MAGI2: variants seen among roughly 807,000 people sequenced by gnomAD.
MAGI2 encodes the protein membrane-associated guanylate kinase, WW and PDZ domain-containing protein 2.
MAGI2 carries 35 observed loss-of-function variants against 133.3 expected under a neutral mutation model. The ratio of observed to expected loss-of-function variants is 0.26; its 90% CI spans 0.20 to 0.35. The LOEUF is 0.35. Ranked by LOEUF, MAGI2 falls within the 10% of genes least tolerant of loss-of-function variation. The pLI is 1.00. For missense variants in MAGI2, 1,636 were observed against 1,863.4 expected (o/e 0.88, Z 2.25); for synonymous variants, 729 against 710.6 (o/e 1.03, Z -0.41).
intron 14 of MAGI2, among the ~76,000 whole-genome samples, chr7:78,171,190 ACCC>A (rs773622499): frequency 2.6e-4 from 39 of 152,308 alleles, no homozygotes; most frequent in Non-Finnish European, 4.7e-4. Context: ...TATGATTTGT[ACCC>A]TTGACACATT....
intron 2 of MAGI2, among the ~76,000 whole-genome samples, chr7:78,814,118 G>A (rs377562128): frequency 3.3e-4 from 50 of 152,182 alleles, no homozygotes; most frequent in Middle Eastern, 3.4e-3. Flanking sequence ...CAATAAAAAA[G>A]CCAACTTGTA....
At chr7:78,689,703 T>TG (rs1816756543) in intron 2 of MAGI2, among the ~76,000 whole-genome samples, 1 of 105,978 alleles carries the variant, frequency 9.4e-6, no homozygotes, top group Non-Finnish European at 2.1e-5. Context: ...TTTTTTTTTT[T>TG]TGCTAAGCTT....
chr7:78,872,763 T>C (rs1795134304), intron 2 of MAGI2, among the ~76,000 whole-genome samples: 1 of 152,142 alleles, frequency 6.6e-6, no homozygotes, highest in Non-Finnish European at 1.5e-5. Flanking sequence ...GGTGAAATGG[T>C]GCTTAAGACA....
chr7:78,542,140 A>T (rs965488498), intron 3 of MAGI2, among the ~76,000 whole-genome samples: 4 of 152,220 alleles, frequency 2.6e-5, no homozygotes, highest in Non-Finnish European at 5.9e-5. Flanking sequence ...TCTATGTGAT[A>T]TCATTATTCT....
intron 9 of MAGI2, among the ~76,000 whole-genome samples, chr7:78,293,867 T>C (rs896480024): frequency 6.6e-6 from 1 of 152,084 alleles, no homozygotes; most frequent in African/African-American, 2.4e-5. Context: ...TTCTCACTCA[T>C]AGGTGGGAAT....
chr7:78,650,861 GAAC>G (rs1475198515), intron 2 of MAGI2, among the ~76,000 whole-genome samples: 3 of 152,240 alleles, frequency 2.0e-5, no homozygotes, highest in Admixed American at 6.5e-5. Context: ...CAGCTAACAA[GAAC>G]AACAGCATGC....
chr7:79,217,831 G>A (rs1269776575), intron 1 of MAGI2, among the ~76,000 whole-genome samples: 1 of 151,864 alleles, frequency 6.6e-6, no homozygotes, highest in Non-Finnish European at 1.5e-5. Context: ...AATAGTGCTT[G>A]GTACATAATA....
intron 9 of MAGI2, among the ~76,000 whole-genome samples, chr7:78,279,881 A>G (rs926600720): frequency 1.5e-4 from 23 of 152,140 alleles, no homozygotes; most frequent in Non-Finnish European, 1.0e-4. Context: ...ATCAATACGG[A>G]GATTGAAAAC....
At chr7:79,105,371 A>G (rs1287891239) in intron 1 of MAGI2, among the ~76,000 whole-genome samples, 2 of 152,156 alleles carry the variant, frequency 1.3e-5, no homozygotes, top group Non-Finnish European at 2.9e-5. Context: ...AAACAGATAG[A>G]AAAGGTCTTA....
At chr7:78,521,741 CTATTT>C in intron 3 of MAGI2, 96 bp from the exon 4 acceptor site, 1 of 1,002,840 alleles carries the variant, frequency 1.0e-6, no homozygotes, top group Non-Finnish European at 1.5e-6. Flanking sequence ...CATTTTTATC[CTATTT>C]TATATGTACA....
intron 1 of MAGI2, among the ~76,000 whole-genome samples, chr7:79,028,235 GTATATATATATA>G (rs1174096501): frequency 4.4e-4 from 13 of 29,330 alleles, no homozygotes; most frequent in African/African-American, 5.5e-4. Flanking sequence ...ATATATGTAT[GTATATATATATA>G]TATATATATA....
chr7:79,421,886 A>C (rs1846982399), intron 1 of MAGI2, among the ~76,000 whole-genome samples: 1 of 152,010 alleles, frequency 6.6e-6, no homozygotes, highest in South Asian at 2.1e-4. Context: ...TATCATTTCT[A>C]GTCTCTATAC....
chr7:79,286,994 C>G (rs1460027417), intron 1 of MAGI2, among the ~76,000 whole-genome samples: 1 of 151,958 alleles, frequency 6.6e-6, no homozygotes, highest in African/African-American at 2.4e-5. Flanking sequence ...TTGAGATTAC[C>G]CAGGAAGGTT....
intron 2 of MAGI2, among the ~76,000 whole-genome samples, chr7:78,679,231 C>T (rs1040092977): frequency 6.6e-6 from 1 of 152,102 alleles, no homozygotes; most frequent in Non-Finnish European, 1.5e-5. Flanking sequence ...GGCATCCCTA[C>T]ATCTGTATTC....
chr7:79,209,263 A>G (rs1337303232), intron 1 of MAGI2, among the ~76,000 whole-genome samples: 1 of 152,058 alleles, frequency 6.6e-6, no homozygotes, highest in Non-Finnish European at 1.5e-5. Context: ...ATACTTCAAA[A>G]CATTATATTG....
intron 6 of MAGI2, among the ~76,000 whole-genome samples, chr7:78,400,972 C>T (rs915720478): frequency 3.3e-5 from 5 of 151,808 alleles, no homozygotes; most frequent in African/African-American, 2.4e-5. Context: ...TAGGGAAAGC[C>T]GATTTCCTTT....
At chr7:79,020,105 A>G (rs150587393) in intron 1 of MAGI2, among the ~76,000 whole-genome samples, 3 of 152,326 alleles carry the variant, frequency 2.0e-5, no homozygotes, top group African/African-American at 7.2e-5. Flanking sequence ...AGGCTGAGGT[A>G]GTCTCAGTTG....
chr7:78,311,193 T>A (rs1420611704), intron 9 of MAGI2, among the ~76,000 whole-genome samples: 1 of 151,760 alleles, frequency 6.6e-6, no homozygotes, highest in African/African-American at 2.4e-5. Flanking sequence ...GGAAATAAAA[T>A]AGAGAAAGAA....
chr7:79,290,671 G>A (rs9886146), intron 1 of MAGI2, among the ~76,000 whole-genome samples: 91,490 of 151,436 alleles, frequency 0.6, 29,276 homozygotes, highest in Non-Finnish European at 0.7. Context: ...CACACATTTA[G>A]TGTTCATTAC....
Sources: gnomAD v4.1 joint callset for allele counts (sites outside exome capture counted in the v4.1 genomes callset) on GRCh38, gnomAD v4.1.1 for gene constraint, MANE v1.5 for transcripts, NCBI Gene and HGNC (gene_info 2026-07-23, HGNC 2026-07-21) for gene names.